BUB1: variants seen among roughly 807,000 people sequenced by gnomAD.
The protein encoded by BUB1 is mitotic checkpoint serine/threonine-protein kinase BUB1.
BUB1 carries 84 observed loss-of-function variants against 135.2 expected under a neutral mutation model. The observed-to-expected ratio is 0.62, with a 90% CI of 0.52 to 0.74. The LOEUF (loss-of-function observed/expected upper bound fraction) is 0.74. BUB1 is among the 30% of genes least tolerant of loss of function. BUB1 has a pLI of 0.00. For synonymous variants in BUB1, 403 were observed against 434.4 expected, an observed-to-expected ratio of 0.93 and a Z score of 0.90; for missense variants, 1,162 against 1,288.3, an observed-to-expected ratio of 0.90 and a Z score of 1.50.
rs1690359641 is a variant in BUB1 at position 110,669,523 on chromosome 2, T to C, written c.497A>G (p.Gln166Arg). The C allele has an allele frequency of 6.2e-7, 1 of 1,609,018 alleles. No homozygotes were observed. Among genetic ancestry groups the C allele is most frequent in the East Asian group, 2.2e-5 (1 of 44,860 alleles). ...ARTSEPLHNVQVLNQMITSKS... is the reference protein window; with the variant it reads ...ARTSEPLHNVRVLNQMITSKS... ...TGATGTTATCATTTGATTTAAAACC[T>C]GAACATTATGCAGAGGTTCTGAGGT... The change falls in exon 6 of 25, where the codon CAG (glutamine) becomes CGG (arginine). Residue 166 changes from glutamine to arginine, a missense_variant. Gln to Arg is a conservative substitution (Grantham distance 43). Transcript: ENST00000302759.
chr2:110,673,556 T>C (rs752792210), intron 3 of BUB1, among the ~76,000 whole-genome samples: 3 of 151,840 alleles, frequency 2.0e-5, no homozygotes, highest in African/African-American at 2.4e-5. Flanking sequence ...GATTGACTGG[T>C]TGCTGGTAGA....
chr2:110,670,412 A>T, intron 5 of BUB1, 113 bp downstream of exon 5: 1 of 1,222,150 alleles, frequency 8.2e-7, no homozygotes, highest in Non-Finnish European at 1.2e-6. Flanking sequence ...TGCTGGGATT[A>T]CAGGTGTGAG....
chr2:110,649,712 T>C (rs1013594097), intron 18 of BUB1, among the ~76,000 whole-genome samples: 1 of 152,186 alleles, frequency 6.6e-6, no homozygotes, highest in Non-Finnish European at 1.5e-5. Context: ...AGGGCAGATG[T>C]GGACATTAGT....
intron 9 of BUB1, among the ~76,000 whole-genome samples, chr2:110,663,383 T>A (rs1474947580): frequency 1.3e-5 from 2 of 152,198 alleles, no homozygotes; most frequent in Non-Finnish European, 2.9e-5. Flanking sequence ...CTTGTATATA[T>A]GAAAATTTAG....
chr2:110,644,576 C>A (rs1298048750), intron 19 of BUB1, among the ~76,000 whole-genome samples: 1 of 148,812 alleles, frequency 6.7e-6, no homozygotes, highest in Non-Finnish European at 1.5e-5. Context: ...TTAGAGAGCA[C>A]CAAGCAGGAT....
intron 3 of BUB1, among the ~76,000 whole-genome samples, chr2:110,673,583 C>CA (rs1219083738): frequency 2.1e-5 from 3 of 142,738 alleles, no homozygotes; most frequent in African/African-American, 5.2e-5. Flanking sequence ...TCCGCACATA[C>CA]TTTTTTTTTG....
chr2:110,652,637 ACT>A (rs1467165493), intron 17 of BUB1, among the ~76,000 whole-genome samples: 11 of 152,086 alleles, frequency 7.2e-5, no homozygotes, highest in African/African-American at 2.4e-4. Context: ...GTTTGTGGTG[ACT>A]CTATAGAATT....
chr2:110,670,441 T>G, intron 5 of BUB1, 84 bp downstream of exon 5: 3 of 1,509,810 alleles, frequency 2.0e-6, no homozygotes, highest in Non-Finnish European at 1.8e-6. Context: ...CCCAGCCGGG[T>G]TTGTTTTTTA....
rs1484915854 is a variant in BUB1, at chr2:110,675,023, T to C, written c.27-658A>G. The C allele has an allele frequency of 2.0e-5, 3 of 152,106 alleles. No homozygotes were observed. In the East Asian group the frequency reaches 5.8e-4, roughly 29 times the overall value. The allele number at this position is 152,106 out of a possible 1,614,324, so 9.4% of individuals were successfully genotyped here. Reference sequence around the variant, plus strand: ...CAGCCCAGAGTACCACAAAGTAGAGTTCCCAGACACAGTTTGTTTTCATTG... The same window carrying C: ...CAGCCCAGAGTACCACAAAGTAGAGCTCCCAGACACAGTTTGTTTTCATTG... On this transcript the variant is annotated intron_variant, in intron 1 of 24. Coordinates refer to ENST00000302759, the MANE Select transcript of BUB1 (RefSeq NM_004336.5).
Position 110,661,733 on chromosome 2 carries a change from T to G in BUB1, c.1066A>C (p.Arg356=). The G allele has an allele frequency of 1.2e-6, 2 of 1,614,234 alleles. No individual in the cohort carries two copies. Among genetic ancestry groups the G allele is most frequent in the Non-Finnish European group, 8.5e-7 (1 of 1,180,036 alleles). The change falls in exon 10 of 25, where the codon AGA becomes CGA. Residue 356 remains arginine, a synonymous_variant. Coordinates refer to ENST00000302759, the MANE Select transcript of BUB1 (RefSeq NM_004336.5). ...GGAGGAACAACAGGAGGTGCCTCTC[T>G]TGGGTTCTTTTCCATGTTCACTGGT... ...QTPVNMEKNP[R]EAPPVVPPLA... is the part of the protein sequence containing the mutation.
intron 9 of BUB1, 171 bp from the exon 10 acceptor site, chr2:110,662,012 A>G (rs942748386): frequency 4.2e-6 from 3 of 719,456 alleles, no homozygotes; most frequent in Admixed American, 3.1e-5. Context: ...GTCAACAACA[A>G]AAAGACCACT....
chr2:110,658,769 G>T, intron 11 of BUB1, 27 bp from the exon 12 acceptor site: 2 of 1,612,828 alleles, frequency 1.2e-6, no homozygotes, highest in Non-Finnish European at 1.7e-6. Flanking sequence ...GACAAAATGT[G>T]GTATCAGTAG....
At chr2:110,641,928 G>A in intron 20 of BUB1, 125 bp from the exon 21 acceptor site, 2 of 1,155,212 alleles carry the variant, frequency 1.7e-6, no homozygotes, top group Non-Finnish European at 1.2e-6. Flanking sequence ...AACTGTTGCT[G>A]CAATGTGGGG....
chr2:110,665,571 T>TTGTG lies in BUB1; in HGVS notation c.957+688_957+691dup, dbSNP rs34442113. ...ATTAAAAAAAAAAGAAAAAGAATGTTTGTGTGTGTGTGTGTGTGTGTGTGT... is the reference window on the plus strand; with the variant it reads ...ATTAAAAAAAAAAGAAAAAGAATGTTTGTGTGTGTGTGTGTGTGTGTGTGTGTGT... On this transcript the variant is annotated intron_variant, in intron 9 of 24. Transcript: ENST00000302759. Among the ~76,000 whole-genome samples the TTGTG allele has an allele frequency of 9.0e-3, 1,275 of 141,120 alleles. 13 individuals carry two copies. Among genetic ancestry groups the TTGTG allele is most frequent in the African/African-American group, 0.022 (855 of 38,520 alleles). The allele number at this position is 141,120 out of a possible 152,430, so 92.6% of individuals were successfully genotyped here. A position where few individuals can be genotyped will look rare whatever the true frequency, so the allele number is the denominator to read the frequency against.
At chr2:110,663,909 G>A (rs1337873248) in intron 9 of BUB1, among the ~76,000 whole-genome samples, 3 of 151,508 alleles carry the variant, frequency 2.0e-5, no homozygotes, top group Non-Finnish European at 4.4e-5. Context: ...GGCGCCTGTA[G>A]TCCCAGCTAC....
chr2:110,651,450 T>C (rs1426317445), intron 17 of BUB1, among the ~76,000 whole-genome samples: 3 of 152,238 alleles, frequency 2.0e-5, no homozygotes, highest in Non-Finnish European at 2.9e-5. Flanking sequence ...TTTGTATAGT[T>C]GTACAATGTG....
chr2:110,649,123 G>A, intron 19 of BUB1, 111 bp downstream of exon 19: 1 of 1,026,178 alleles, frequency 9.7e-7, no homozygotes, highest in Non-Finnish European at 1.4e-6. Flanking sequence ...CTCCCTATTG[G>A]AGGTTGGGGG....
At chr2:110,659,852 GA>G (rs1690032430) in intron 11 of BUB1, 125 bp downstream of exon 11, 2 of 594,474 alleles carry the variant, frequency 3.4e-6, no homozygotes, top group Admixed American at 3.4e-5. Context: ...TATACTCTAA[GA>G]ATAGGAAATC....
chr2:110,674,485 T>C, intron 1 of BUB1, 120 bp from the exon 2 acceptor site: 1 of 806,564 alleles, frequency 1.2e-6, no homozygotes, highest in Non-Finnish European at 2.0e-6. Flanking sequence ...ATATCAATCA[T>C]TTTATATATA....
Sources: allele counts gnomAD v4.1 joint callset (sites outside exome capture counted in the v4.1 genomes callset), GRCh38; gene constraint gnomAD v4.1.1; transcripts MANE v1.5; gene names NCBI Gene and HGNC (gene_info 2026-07-23, HGNC 2026-07-21).